The following ABCB1 variants were observed in gnomAD, a reference collection of about 807,000 sequenced individuals.
ABCB1 encodes the protein ATP binding cassette subfamily B member 1, also known as ATP-dependent translocase ABCB1.
In ABCB1, 69 loss-of-function variants were observed where a neutral mutation model predicts 142.0. The observed-to-expected ratio is 0.49, with a 90% CI of 0.40 to 0.59. The LOEUF (loss-of-function observed/expected upper bound fraction) is 0.59. Ranked by LOEUF, ABCB1 falls within the 20% of genes least tolerant of loss-of-function variation. ABCB1 has a pLI of 0.00. For synonymous variants in ABCB1, 532 were observed against 539.2 expected, an observed-to-expected ratio of 0.99 and a Z score of 0.18; for missense variants, 1,326 against 1,554.7, an observed-to-expected ratio of 0.85 and a Z score of 2.47.
intron 21 of ABCB1, among the ~76,000 whole-genome samples, chr7:87,528,156 A>G (rs1479789598): frequency 6.6e-6 from 1 of 152,204 alleles, no homozygotes; most frequent in Admixed American, 6.5e-5. Context: ...CCCTCCCATA[A>G]CATGTGAAGA....
chr7:87,521,870 T>G (rs1815524850), intron 21 of ABCB1: 1 of 773,706 alleles, frequency 1.3e-6, no homozygotes, highest in Non-Finnish European at 2.3e-6. Flanking sequence ...ATTGAAATCA[T>G]GACTGACCAA....
intron 2 of ABCB1, 142 bp from the exon 3 acceptor site, chr7:87,595,956 A>G: frequency 1.5e-6 from 1 of 668,320 alleles, no homozygotes; most frequent in East Asian, 2.7e-5. Flanking sequence ...CAGGATGATA[A>G]TAGTATGACC....
intron 20 of ABCB1, chr7:87,531,720 T>C: frequency 3.7e-6 from 2 of 535,020 alleles, no homozygotes; most frequent in Non-Finnish European, 6.7e-6. Context: ...TTCAATTACA[T>C]ATTCCTATCT....
At chr7:87,606,853 G>T (rs1166920566) in intron 1 of ABCB1, among the ~76,000 whole-genome samples, 2 of 151,870 alleles carry the variant, frequency 1.3e-5, no homozygotes, top group African/African-American at 2.4e-5. Context: ...TTGGAGATGG[G>T]GATGAGAATG....
At chr7:87,673,037 T>TA (rs1181232083) in intron 1 of ABCB1, among the ~76,000 whole-genome samples, 3 of 152,220 alleles carry the variant, frequency 2.0e-5, no homozygotes, top group African/African-American at 7.2e-5. Context: ...ATGCTGCATT[T>TA]AGGACCCCAA....
rs920778285 is a variant in ABCB1 at position 87,549,962 on chromosome 7, G to A, written c.1443C>T (p.Ala481=). 3.7e-6 allele frequency: 6 copies of A among 1,614,162 alleles called. No individual in the cohort carries two copies. The highest frequency in any genetic ancestry group is 4.5e-5 in the East Asian group (2 of 44,886). ...GVVSQEPVLF[A]TTIAENIRYG... ...AGCGAATGTTTTCAGCTATCGTGGTGGCAAACAATACAGGTTCCTGACTCA... is the reference window on the plus strand; with the variant it reads ...AGCGAATGTTTTCAGCTATCGTGGTAGCAAACAATACAGGTTCCTGACTCA... The change falls in exon 13 of 28, where the codon GCC becomes GCT. Residue 481 remains alanine, a synonymous_variant. Transcript: ENST00000622132.
At chr7:87,632,525 T>C (rs1468944057) in intron 1 of ABCB1, among the ~76,000 whole-genome samples, 6 of 152,198 alleles carry the variant, frequency 3.9e-5, no homozygotes, top group Non-Finnish European at 7.4e-5. Flanking sequence ...TTGAGGACTC[T>C]AAATCTTACA....
chr7:87,536,413 A>C, intron 20 of ABCB1, 45 bp downstream of exon 20: 1 of 1,592,962 alleles, frequency 6.3e-7, no homozygotes, highest in Non-Finnish European at 8.6e-7. Context: ...GCTGGGGTCC[A>C]AAATGGCCAA....
At chr7:87,566,644 T>A (rs1817793394) in intron 6 of ABCB1, 141 bp downstream of exon 6, 6 of 839,862 alleles carry the variant, frequency 7.1e-6, no homozygotes, top group Non-Finnish European at 1.2e-5. Context: ...GCACACGACA[T>A]TGTTGCTGCT....
rs28381902 is a variant in ABCB1, at chr7:87,549,377, C to T, written c.1696G>A (p.Glu566Lys). The stretch of plus-strand genomic sequence containing the variant: ...TCCAGAGCCACCTGAACCACTGCTT[C>T]GCTTTCTGTGTCCAAGGCTGACGTG... ...EATSALDTES[E>K]AVVQVALDKA... is the part of the protein sequence containing the mutation. The change falls in exon 14 of 28, where the codon GAA becomes AAA. Residue 566 changes from glutamate (E) to lysine (K), a missense_variant. By Grantham distance (56) the Glu-to-Lys change is moderately conservative (BLOSUM62 1). Transcript: ENST00000622132. 1.1e-5 allele frequency: 17 copies of T among 1,614,054 alleles called. No homozygotes were observed. The highest frequency in any genetic ancestry group is 8.3e-5 in the Admixed American group (5 of 60,002).
intron 9 of ABCB1, among the ~76,000 whole-genome samples, chr7:87,552,260 A>AT (rs909743604): frequency 6.6e-6 from 1 of 152,030 alleles, no homozygotes; most frequent in African/African-American, 2.4e-5. Flanking sequence ...GTCATTATTC[A>AT]TTTTTTCTAA....
intron 21 of ABCB1, chr7:87,522,156 T>C: frequency 7.0e-7 from 1 of 1,436,100 alleles, no homozygotes; most frequent in Non-Finnish European, 9.7e-7. Flanking sequence ...GTGGCAGCTG[T>C]GGTGGTGGTG....
At chr7:87,575,581 A>T (rs1818239771) in intron 4 of ABCB1, among the ~76,000 whole-genome samples, 1 of 152,126 alleles carries the variant, frequency 6.6e-6, no homozygotes, top group African/African-American at 2.4e-5. Flanking sequence ...ATAAACCAAT[A>T]AACTACTCTT....
chr7:87,661,222 G>T (rs543940472), intron 1 of ABCB1, among the ~76,000 whole-genome samples: 1 of 151,696 alleles, frequency 6.6e-6, no homozygotes, highest in Non-Finnish European at 1.5e-5. Context: ...CATAAATAAG[G>T]TATCCATCAC....
chr7:87,610,530 T>A (rs956087468), intron 1 of ABCB1, among the ~76,000 whole-genome samples: 7 of 151,080 alleles, frequency 4.6e-5, no homozygotes, highest in African/African-American at 1.5e-4. Flanking sequence ...ATTACAGGAG[T>A]CAGCCACTGC....
intron 1 of ABCB1, among the ~76,000 whole-genome samples, chr7:87,651,421 C>T (rs1236080761): frequency 6.6e-6 from 1 of 151,844 alleles, no homozygotes; most frequent in Admixed American, 6.6e-5. Context: ...AAATATAATT[C>T]TCAACAATTT....
At chr7:87,589,882 G>A (rs1181155244) in intron 3 of ABCB1, among the ~76,000 whole-genome samples, 1 of 150,928 alleles carries the variant, frequency 6.6e-6, no homozygotes, top group Admixed American at 6.6e-5. Context: ...AAGAAAGAAA[G>A]TTTGATTAGA....
chr7:87,692,252 AC>A (rs1248738163), intron 1 of ABCB1, among the ~76,000 whole-genome samples: 1 of 152,082 alleles, frequency 6.6e-6, no homozygotes, highest in Non-Finnish European at 1.5e-5. Context: ...GGAGTTTGAG[AC>A]CAGCCTGAGC....
intron 1 of ABCB1, among the ~76,000 whole-genome samples, chr7:87,624,441 G>A (rs1820335346): frequency 6.6e-6 from 1 of 152,080 alleles, no homozygotes; most frequent in Non-Finnish European, 1.5e-5. Context: ...TATATTTGAG[G>A]ACATTTTATA....
Sources: gnomAD v4.1 joint callset for allele counts (sites outside exome capture counted in the v4.1 genomes callset) on GRCh38, gnomAD v4.1.1 for gene constraint, MANE v1.5 for transcripts, NCBI Gene and HGNC (gene_info 2026-07-23, HGNC 2026-07-21) for gene names.